The following PCLAF variants were observed in gnomAD, a reference collection of about 807,000 sequenced individuals.
PCLAF encodes the protein PCNA clamp associated factor.
Under a neutral mutation model 15.1 loss-of-function variants are expected in PCLAF, and 12 were observed. That is an observed-to-expected ratio of 0.79 (90% CI 0.51 to 1.29). PCLAF has a LOEUF of 1.29. Among genes scored for constraint, PCLAF ranks in the 50% most tolerant of loss-of-function variants. The pLI, the probability that PCLAF is intolerant of heterozygous loss-of-function variation, is 0.00. For missense variants in PCLAF, 116 were observed against 130.9 expected (o/e 0.89, Z 0.56); for synonymous variants, 33 against 47.1 (o/e 0.70, Z 1.22).
intron 3 of PCLAF, among the ~76,000 whole-genome samples, chr15:64,370,486 G>A (rs1408612526): frequency 1.3e-5 from 2 of 151,160 alleles, no homozygotes; most frequent in Non-Finnish European, 2.9e-5. Flanking sequence ...TCCTGCCTCA[G>A]CCTCTGGAGT....
At chr15:64,378,505 A>G (rs1899706516) in intron 2 of PCLAF, among the ~76,000 whole-genome samples, 1 of 152,166 alleles carries the variant, frequency 6.6e-6, no homozygotes, top group Non-Finnish European at 1.5e-5. Context: ...CTCCTGGCTG[A>G]GGCAACCGTC....
intron 3 of PCLAF, among the ~76,000 whole-genome samples, chr15:64,368,604 T>A (rs1331675801): frequency 1.3e-5 from 2 of 152,016 alleles, no homozygotes; most frequent in African/African-American, 4.8e-5. Flanking sequence ...CCATAGAGAG[T>A]TTATATCATA....
chr15:64,385,072 T>G (rs1023680502), upstream of PCLAF, among the ~76,000 whole-genome samples: 2 of 151,950 alleles, frequency 1.3e-5, no homozygotes, highest in Non-Finnish European at 2.9e-5. Context: ...GTTTTTTTTG[T>G]AGAGACAGGG....
At chr15:64,384,738 T>TAA (rs760374421), upstream of PCLAF, among the ~76,000 whole-genome samples, 3 of 103,562 alleles carry the variant, frequency 2.9e-5, no homozygotes, top group Non-Finnish European at 6.1e-5. Context: ...CAAGAATGTC[T>TAA]AAAAAAAAAA....
At position 64,374,399 on chromosome 15, in the gene PCLAF, C is replaced by T. The variant is rs559212457; in HGVS notation, c.290+2344G>A. Among the ~76,000 whole-genome samples, 10 of 151,936 alleles carry T rather than the reference C, an allele frequency of 6.6e-5. No homozygotes were observed. In the South Asian group the frequency reaches 1.2e-3, roughly 19 times the overall value. On this transcript the variant is annotated intron_variant, in intron 3 of 3. Transcript: ENST00000300035. ...TAAAAATACAACAAAATTAGCCAGG[C>T]GTGGTGGCGGGCGCCTGTAGTCCCA...
chr15:64,381,623 G>C (rs1899826014), upstream of PCLAF: 4 of 1,057,082 alleles, frequency 3.8e-6, no homozygotes, highest in Non-Finnish European at 5.2e-6. Flanking sequence ...CAAAGGCCTA[G>C]GATTCGTAGG....
chr15:64,387,462 T>G, exon 1 of PCLAF: 1 of 1,267,778 alleles, frequency 7.9e-7, no homozygotes, highest in Non-Finnish European at 1.0e-6. Flanking sequence ...TTACAATACC[T>G]TCCACGTGCT....
At chr15:64,367,129 AC>A (rs1256720134) in intron 3 of PCLAF, among the ~76,000 whole-genome samples, 5 of 151,560 alleles carry the variant, frequency 3.3e-5, no homozygotes, top group African/African-American at 1.2e-4. Flanking sequence ...TGTCAATAAA[AC>A]AAAAAAAGAA....
chr15:64,373,791 G>A, intron 3 of PCLAF: 1 of 1,534,290 alleles, frequency 6.5e-7, no homozygotes, highest in South Asian at 1.2e-5. Flanking sequence ...AGCAAGTAGG[G>A]TCTTATATTC....
chr15:64,383,810 A>C (rs779516138), upstream of PCLAF, among the ~76,000 whole-genome samples: 1 of 152,186 alleles, frequency 6.6e-6, no homozygotes, highest in Non-Finnish European at 1.5e-5. Context: ...CTGCCAAGCA[A>C]GTTGCCAGAA....
At chr15:64,367,432 G>A (rs1159499218) in intron 3 of PCLAF, among the ~76,000 whole-genome samples, 1 of 151,404 alleles carries the variant, frequency 6.6e-6, no homozygotes, top group Non-Finnish European at 1.5e-5. Context: ...GAACCTAGGA[G>A]GCAGAGGTTG....
At chr15:64,381,166 T>C in intron 1 of PCLAF, 128 bp from the exon 2 acceptor site, 1 of 1,189,756 alleles carries the variant, frequency 8.4e-7, no homozygotes, top group Non-Finnish European at 1.2e-6. Flanking sequence ...ACCCTGCCCC[T>C]GCGACTTCCT....
At chr15:64,377,935 G>GT (rs1317558700) in intron 2 of PCLAF, among the ~76,000 whole-genome samples, 1 of 136,628 alleles carries the variant, frequency 7.3e-6, no homozygotes, top group Non-Finnish European at 1.6e-5. Flanking sequence ...TTTTGTTTTT[G>GT]TTTTTTTGGG....
At chr15:64,381,960 TACAAGG>T (rs1899835233), upstream of PCLAF, among the ~76,000 whole-genome samples, 1 of 152,196 alleles carries the variant, frequency 6.6e-6, no homozygotes, top group Non-Finnish European at 1.5e-5. Context: ...ACAACTTGTT[TACAAGG>T]GTTTTTTTAA....
chr15:64,382,859 G>A, upstream of PCLAF: 2 of 271,926 alleles, frequency 7.4e-6, no homozygotes, highest in South Asian at 3.4e-5. Flanking sequence ...GGGAGTGGCG[G>A]CATGTGCCTG....
At position 64,376,865 on chromosome 15, in the gene PCLAF, G is replaced by T; in HGVS notation, c.168C>A (p.Arg56=). 6.2e-7 allele frequency: 1 copy of T among 1,613,898 alleles called. No individual in the cohort carries two copies. Among genetic ancestry groups the T allele is most frequent in the East Asian group, 2.2e-5 (1 of 44,872 alleles). ...TTCCTTTTTGCCACTTGGGAGTTGG[G>T]CGCACGCAAACGGGGTTCCCTCCTG... is the stretch of plus-strand genomic sequence containing the variant. ...KYAGGNPVCV[R]PTPKWQKGIG... is the part of the protein sequence containing the mutation. The change falls in exon 3 of 4, where the codon CGC becomes CGA. Residue 56 remains arginine (R), a synonymous_variant. Coordinates refer to ENST00000300035, the MANE Select transcript of PCLAF (RefSeq NM_014736.6).
upstream of PCLAF, among the ~76,000 whole-genome samples, chr15:64,383,783 C>G (rs958762895): frequency 6.6e-6 from 1 of 152,138 alleles, no homozygotes; most frequent in Non-Finnish European, 1.5e-5. Context: ...ATAAGATAGT[C>G]TTTTCTCCTT....
chr15:64,370,829 G>GTT lies in PCLAF; in HGVS notation c.291-4756_291-4755dup, dbSNP rs10607183. Reference sequence around the variant, plus strand: ...TGTAGCTACTCAGACTCATAAAGTTGTTTTTTTTTTTTTTTTTTTTTTTTT... The same window carrying GTT: ...TGTAGCTACTCAGACTCATAAAGTTGTTTTTTTTTTTTTTTTTTTTTTTTTTT... On this transcript the variant is annotated intron_variant, in intron 3 of 3. Coordinates refer to ENST00000300035, the MANE Select transcript of PCLAF (RefSeq NM_014736.6). 3.5e-4 allele frequency among the ~76,000 whole-genome samples: 30 copies of GTT among 85,764 alleles called. 1 individual carries two copies. Among genetic ancestry groups the GTT allele is most frequent in the African/African-American group, 1.0e-3 (23 of 22,898 alleles). 56.3% of individuals were successfully genotyped at this position (85,764 alleles called of 152,430 possible).
Position 64,381,131 on chromosome 15 carries a change from C to A in PCLAF, c.47-93G>T, listed in dbSNP as rs534342023. 5.7e-5 allele frequency: 74 copies of A among 1,295,178 alleles called. No individual in the cohort carries two copies. In the African/African-American group the frequency reaches 1.0e-3, roughly 18 times the overall value. The allele number at this position is 1,295,178 out of a possible 1,614,324, so 80.2% of individuals were successfully genotyped here. A position where few individuals can be genotyped will look rare whatever the true frequency, so the allele number is the denominator to read the frequency against. Reference sequence around the variant, plus strand: ...CAGCAGCTTGGAGAGGAGAGCCTGGCGATCCAGAACAGCAGGATAACCTTA... The same window carrying A: ...CAGCAGCTTGGAGAGGAGAGCCTGGAGATCCAGAACAGCAGGATAACCTTA... On this transcript the variant is annotated intron_variant, in intron 1 of 3. Transcript: ENST00000300035.
Sources: allele counts gnomAD v4.1 joint callset (sites outside exome capture counted in the v4.1 genomes callset), GRCh38; gene constraint gnomAD v4.1.1; transcripts MANE v1.5; gene names NCBI Gene and HGNC (gene_info 2026-07-23, HGNC 2026-07-21).